The following SAMD3 variants were observed in gnomAD, a reference collection of about 807,000 sequenced individuals.
SAMD3 encodes the protein sterile alpha motif domain containing 3, also known as sterile alpha motif domain-containing protein 3.
In SAMD3, 63 loss-of-function variants were observed where a neutral mutation model predicts 58.5. The observed-to-expected ratio is 1.08, with a 90% CI of 0.88 to 1.33. The LOEUF is 1.33. Among genes scored for constraint, SAMD3 ranks in the 40% most tolerant of loss-of-function variants. SAMD3 has a pLI of 0.00. For synonymous variants in SAMD3, 220 were observed against 210.3 expected, an observed-to-expected ratio of 1.05 and a Z score of -0.40; for missense variants, 604 against 608.4, an observed-to-expected ratio of 0.99 and a Z score of 0.08.
chr6:130,330,955 G>A (rs190344653), intron 1 of SAMD3, among the ~76,000 whole-genome samples: 98 of 152,302 alleles, frequency 6.4e-4, no homozygotes, highest in African/African-American at 2.1e-3. Flanking sequence ...AACAGAATAC[G>A]GATGAGTTTA....
chr6:130,235,357 TGA>T (rs1238903513), intron 2 of SAMD3, among the ~76,000 whole-genome samples: 1 of 152,210 alleles, frequency 6.6e-6, no homozygotes, highest in Non-Finnish European at 1.5e-5. Flanking sequence ...GTCTTTGCAC[TGA>T]GTTTGAAAAT....
At chr6:130,198,104 C>T (rs1794308210) in intron 5 of SAMD3, among the ~76,000 whole-genome samples, 1 of 152,164 alleles carries the variant, frequency 6.6e-6, no homozygotes, top group South Asian at 2.1e-4. Context: ...AACGGCCCCA[C>T]CCCATCTCTC....
rs186485915 is a variant in SAMD3, at chr6:130,192,764, G to A, written c.384-8141C>T. Among the ~76,000 whole-genome samples, 1,360 of 152,300 alleles carry A rather than the reference G, an allele frequency of 8.9e-3. 7 individuals carry two copies. Among genetic ancestry groups the A allele is most frequent in the Admixed American group, 0.013 (198 of 15,294 alleles). On this transcript the variant is annotated intron_variant, in intron 5 of 11. Transcript: ENST00000439090. Reference sequence around the variant, plus strand: ...ACCTCCCTTGGGAGATCAATCCCCTGTCCTCCTGCTCTTTGCTCCGTGAGA... The same window carrying A: ...ACCTCCCTTGGGAGATCAATCCCCTATCCTCCTGCTCTTTGCTCCGTGAGA...
At chr6:130,341,853 T>C (rs553223404) in intron 1 of SAMD3, among the ~76,000 whole-genome samples, 16 of 152,222 alleles carry the variant, frequency 1.1e-4, no homozygotes, top group Non-Finnish European at 2.4e-4. Context: ...CCATCATGTG[T>C]TTTCCACCTC....
Position 130,193,951 on chromosome 6 carries a change from G to C in SAMD3, c.384-9328C>G, listed in dbSNP as rs183251540. ...CTCAGTCCCAACCCCAAGCGTCACT[G>C]GGTCTTTCTAATCTTCCTTTTCTCC... is the stretch of plus-strand genomic sequence containing the variant. On this transcript the variant is annotated intron_variant, in intron 5 of 11. Transcript: ENST00000439090. 1.9e-4 allele frequency among the ~76,000 whole-genome samples: 29 copies of C among 152,036 alleles called. No homozygotes were observed. In the East Asian group the frequency reaches 4.5e-3, roughly 23 times the overall value.
chr6:130,243,210 A>G (rs1773425622), intron 2 of SAMD3, among the ~76,000 whole-genome samples: 1 of 152,248 alleles, frequency 6.6e-6, no homozygotes, highest in Admixed American at 6.5e-5. Flanking sequence ...TGTCCTGGTA[A>G]GATGGGTTAG....
At chr6:130,292,267 CTTTCTTTT>C (rs1775391557) in intron 2 of SAMD3, among the ~76,000 whole-genome samples, 2 of 83,942 alleles carry the variant, frequency 2.4e-5, no homozygotes, top group African/African-American at 7.8e-5. Flanking sequence ...TTTTTTCTTT[CTTTCTTTT>C]TTTTTTTTTT....
At chr6:130,318,337 C>G (rs1271603137) in intron 1 of SAMD3, among the ~76,000 whole-genome samples, 1 of 152,126 alleles carries the variant, frequency 6.6e-6, no homozygotes, top group Non-Finnish European at 1.5e-5. Context: ...TCTCCCATAA[C>G]AAAGCTCAAG....
intron 2 of SAMD3, among the ~76,000 whole-genome samples, chr6:130,308,384 T>TATTC (rs1776000478): frequency 7.2e-6 from 1 of 139,404 alleles, no homozygotes; most frequent in African/African-American, 2.9e-5. Context: ...TATTCTATTC[T>TATTC]ATTCTATTCT....
At position 130,184,646 on chromosome 6, in the gene SAMD3, G is replaced by T. The variant is rs750621932; in HGVS notation, c.384-23C>A. Reference sequence around the variant, plus strand: ...CTTCTGTGAAATAAAAACACACAAAGAATGAAATTCTATTCCAAATATATG... The same window carrying T: ...CTTCTGTGAAATAAAAACACACAAATAATGAAATTCTATTCCAAATATATG... On this transcript the variant is annotated intron_variant, in intron 5 of 11. Coordinates refer to ENST00000439090, the MANE Select transcript of SAMD3 (RefSeq NM_001017373.4). 4.4e-6 allele frequency: 7 copies of T among 1,578,094 alleles called. No individual in the cohort carries two copies. In the South Asian group the frequency reaches 5.7e-5, roughly 13 times the overall value.
At chr6:130,231,390 C>G (rs1796542958) in intron 2 of SAMD3, among the ~76,000 whole-genome samples, 1 of 151,912 alleles carries the variant, frequency 6.6e-6, no homozygotes, top group Non-Finnish European at 1.5e-5. Flanking sequence ...ATGGTGAAAC[C>G]CTGTCTCTAC....
chr6:130,151,537 G>A (rs1789188584), intron 9 of SAMD3, among the ~76,000 whole-genome samples: 1 of 152,088 alleles, frequency 6.6e-6, no homozygotes, highest in African/African-American at 2.4e-5. Flanking sequence ...CGTCTCCCAG[G>A]TTCAAGCGAT....
chr6:130,189,463 T>C (rs545697188), intron 5 of SAMD3, among the ~76,000 whole-genome samples: 2 of 152,350 alleles, frequency 1.3e-5, no homozygotes, highest in South Asian at 4.1e-4. Flanking sequence ...GTCTATGGTA[T>C]TTGTTTGGCA....
chr6:130,184,695 T>A (rs2114709775), intron 5 of SAMD3, 72 bp from the exon 6 acceptor site: 1 of 1,272,098 alleles, frequency 7.9e-7, no homozygotes. Flanking sequence ...TGCTACATCC[T>A]GAGAACTTAT....
chr6:130,292,443 T>C (rs1159815371), intron 2 of SAMD3, among the ~76,000 whole-genome samples: 1 of 149,414 alleles, frequency 6.7e-6, no homozygotes, highest in African/African-American at 2.5e-5. Context: ...TGCGCCACCA[T>C]GCCCGGCTAA....
At chr6:130,356,982 AC>A (rs1336478936) in intron 1 of SAMD3, among the ~76,000 whole-genome samples, 2 of 152,186 alleles carry the variant, frequency 1.3e-5, no homozygotes, top group Non-Finnish European at 2.9e-5. Flanking sequence ...AGGAAAACGG[AC>A]TTTTACCTTT....
At chr6:130,363,676 C>A (rs1975953) in intron 1 of SAMD3, among the ~76,000 whole-genome samples, 74,084 of 151,990 alleles carry the variant, frequency 0.49, 22,156 homozygotes, top group African/African-American at 0.85. Context: ...AATGAGGTAC[C>A]AAGTCCCTCT....
At chr6:130,230,256 G>A (rs1796505949) in intron 2 of SAMD3, among the ~76,000 whole-genome samples, 1 of 152,210 alleles carries the variant, frequency 6.6e-6, no homozygotes, top group Non-Finnish European at 1.5e-5. Context: ...TAATATGAAT[G>A]TTCGGCAGGC....
At chr6:130,151,527 C>A (rs570091196) in intron 9 of SAMD3, among the ~76,000 whole-genome samples, 2 of 152,182 alleles carry the variant, frequency 1.3e-5, no homozygotes, top group South Asian at 4.2e-4. Flanking sequence ...CCGCACCCTC[C>A]GTCTCCCAGG....
Sources: gnomAD v4.1 joint callset for allele counts (sites outside exome capture counted in the v4.1 genomes callset) on GRCh38, gnomAD v4.1.1 for gene constraint, MANE v1.5 for transcripts, NCBI Gene and HGNC (gene_info 2026-07-23, HGNC 2026-07-21) for gene names.